SPAG16: variants seen among roughly 807,000 people sequenced by gnomAD.
The protein encoded by SPAG16 is sperm-associated antigen 16 protein.
Under a neutral mutation model 80.4 loss-of-function variants are expected in SPAG16, and 86 were observed. The ratio of observed to expected loss-of-function variants is 1.07; its 90% confidence interval spans 0.90 to 1.28. The LOEUF (loss-of-function observed/expected upper bound fraction) is 1.28, where lower values mean the gene tolerates loss of function less well. Ranked by LOEUF, SPAG16 falls within the 50% of genes most tolerant of loss-of-function variation. The probability of loss-of-function intolerance (pLI) is 0.00; values close to 1 mark genes in which losing one functional copy is unlikely to be tolerated. For synonymous variants in SPAG16, 294 were observed against 265.9 expected (o/e 1.11, Z -1.03); for missense variants, 870 against 765.3 (o/e 1.14, Z -1.61).
At chr2:214,161,431 C>T (rs775871363) in intron 15 of SPAG16, among the ~76,000 whole-genome samples, 8 of 152,106 alleles carry the variant, frequency 5.3e-5, no homozygotes, top group Non-Finnish European at 1.2e-4. Context: ...AGTGTAAAAG[C>T]ATTCTTATTT....
At chr2:213,593,941 A>AT (rs1368955625) in intron 10 of SPAG16, among the ~76,000 whole-genome samples, 1 of 149,306 alleles carries the variant, frequency 6.7e-6, no homozygotes, top group Non-Finnish European at 1.5e-5. Context: ...CGCCCGGCTA[A>AT]TTTTTTTCTA....
chr2:214,210,838 C>T lies in SPAG16; in HGVS notation c.1720+61572C>T, dbSNP rs1028287669. ...AAAAATACACACACACATGCGCGCGCGCACACACACACACACACATATTTG... is the reference window on the plus strand; with the variant it reads ...AAAAATACACACACACATGCGCGCGTGCACACACACACACACACATATTTG... On this transcript the variant is annotated intron_variant, in intron 15 of 15. Coordinates refer to ENST00000331683, the MANE Select transcript of SPAG16 (RefSeq NM_024532.5). Among the ~76,000 whole-genome samples the T allele has an allele frequency of 6.2e-5, 9 of 145,642 alleles. No homozygotes were observed. In the South Asian group the frequency reaches 6.7e-4, roughly 11 times the overall value.
At chr2:213,728,796 G>A (rs2066892296) in intron 10 of SPAG16, among the ~76,000 whole-genome samples, 1 of 147,846 alleles carries the variant, frequency 6.8e-6, no homozygotes, top group African/African-American at 2.5e-5. Context: ...AGAATGGCAC[G>A]AACTCGGGAG....
Position 214,224,640 on chromosome 2 carries a change from TTTG to T in SPAG16, c.1720+75381_1720+75383del, listed in dbSNP as rs370755725. ...ACCCTAAGAACACAGCTGTGTTTGC[TTTG>T]TTGTTGGATAAAAAATGGTATTAAC... On this transcript the variant is annotated intron_variant, in intron 15 of 15. Coordinates refer to ENST00000331683, the MANE Select transcript of SPAG16 (RefSeq NM_024532.5). 1.6e-4 allele frequency among the ~76,000 whole-genome samples: 24 copies of T among 152,330 alleles called. No homozygotes were observed. The East Asian group carries it at 2.7e-3, about 17-fold the overall frequency.
chr2:213,698,190 T>C (rs986595959), intron 10 of SPAG16, among the ~76,000 whole-genome samples: 2 of 152,204 alleles, frequency 1.3e-5, no homozygotes, highest in African/African-American at 4.8e-5. Flanking sequence ...CGTTCTTCTT[T>C]ATTCTCCTTT....
chr2:213,698,298 A>G (rs1366073937), intron 10 of SPAG16, among the ~76,000 whole-genome samples: 4 of 151,890 alleles, frequency 2.6e-5, no homozygotes, highest in Non-Finnish European at 5.9e-5. Context: ...GTCTCCCTCT[A>G]TTGCCCAGGC....
At chr2:214,265,748 T>C (rs1691517861) in intron 15 of SPAG16, among the ~76,000 whole-genome samples, 1 of 152,000 alleles carries the variant, frequency 6.6e-6, no homozygotes, top group Non-Finnish European at 1.5e-5. Flanking sequence ...CATTTAGGTA[T>C]ATAATTCATT....
chr2:213,513,184 C>G (rs1289237089), intron 10 of SPAG16, among the ~76,000 whole-genome samples: 1 of 152,150 alleles, frequency 6.6e-6, no homozygotes, highest in East Asian at 1.9e-4. Context: ...CCTTGACTTG[C>G]TGTTTTGTAA....
intron 9 of SPAG16, among the ~76,000 whole-genome samples, chr2:213,431,605 A>C (rs573531969): frequency 6.6e-5 from 10 of 152,232 alleles, no homozygotes; most frequent in African/African-American, 2.4e-4. Context: ...CAGATTCATA[A>C]AACAAATATT....
chr2:214,217,403 T>C (rs1237232801), intron 15 of SPAG16, among the ~76,000 whole-genome samples: 1 of 152,250 alleles, frequency 6.6e-6, no homozygotes, highest in Non-Finnish European at 1.5e-5. Flanking sequence ...AAGAAAGGGC[T>C]GTGCATGTTT....
At chr2:213,909,665 G>T (rs1010360173) in intron 11 of SPAG16, among the ~76,000 whole-genome samples, 3 of 152,120 alleles carry the variant, frequency 2.0e-5, no homozygotes, top group Non-Finnish European at 2.9e-5. Flanking sequence ...GGGAAAACTG[G>T]CTAGCCATAT....
chr2:214,248,281 A>C (rs1689993318), intron 15 of SPAG16, among the ~76,000 whole-genome samples: 1 of 139,162 alleles, frequency 7.2e-6, no homozygotes, highest in African/African-American at 2.7e-5. Context: ...GCTGGGTACT[A>C]TTCTTATATT....
intron 15 of SPAG16, among the ~76,000 whole-genome samples, chr2:214,324,245 C>T (rs1189107412): frequency 6.6e-6 from 1 of 152,108 alleles, no homozygotes; most frequent in Non-Finnish European, 1.5e-5. Context: ...ACCTCCTCAC[C>T]CTTCACCTCC....
intron 10 of SPAG16, among the ~76,000 whole-genome samples, chr2:213,837,508 T>A (rs974888412): frequency 6.6e-6 from 1 of 152,270 alleles, no homozygotes; most frequent in Non-Finnish European, 1.5e-5. Context: ...TAAAATGTAT[T>A]CTTTCTTACA....
intron 15 of SPAG16, among the ~76,000 whole-genome samples, chr2:214,352,560 G>C (rs76966546): frequency 7.7e-5 from 3 of 38,732 alleles, no homozygotes; most frequent in East Asian, 8.1e-4. Flanking sequence ...TTTTTTCTCT[G>C]TGTGTGTGTG....
intron 15 of SPAG16, among the ~76,000 whole-genome samples, chr2:214,370,838 C>G (rs1353483315): frequency 6.6e-6 from 1 of 152,124 alleles, no homozygotes; most frequent in Non-Finnish European, 1.5e-5. Flanking sequence ...GTGTTTATTT[C>G]TCATAGGCAT....
intron 15 of SPAG16, among the ~76,000 whole-genome samples, chr2:214,356,729 C>T (rs1187271986): frequency 1.3e-5 from 2 of 151,930 alleles, no homozygotes; most frequent in African/African-American, 4.8e-5. Context: ...TATCTCACGC[C>T]ACAGTTTTCT....
At chr2:213,771,126 G>A (rs1290446578) in intron 10 of SPAG16, among the ~76,000 whole-genome samples, 1 of 152,062 alleles carries the variant, frequency 6.6e-6, no homozygotes, top group Non-Finnish European at 1.5e-5. Flanking sequence ...AGGATCTGAT[G>A]TTTTTGACTT....
At chr2:213,766,365 C>T (rs1372332389) in intron 10 of SPAG16, among the ~76,000 whole-genome samples, 1 of 152,152 alleles carries the variant, frequency 6.6e-6, no homozygotes, top group Non-Finnish European at 1.5e-5. Context: ...ATGAATTGTA[C>T]ACTTTTAAAT....
Sources: gnomAD v4.1 joint callset for allele counts (sites outside exome capture counted in the v4.1 genomes callset) on GRCh38, gnomAD v4.1.1 for gene constraint, MANE v1.5 for transcripts, NCBI Gene and HGNC (gene_info 2026-07-23, HGNC 2026-07-21) for gene names.